NFIB: variants seen among roughly 807,000 people sequenced by gnomAD.
The protein encoded by NFIB is nuclear factor I B, also known as nuclear factor 1 B-type.
Under a neutral mutation model 61.5 loss-of-function variants are expected in NFIB, and 11 were observed. The ratio of observed to expected loss-of-function variants is 0.18; its 90% CI spans 0.11 to 0.30. The LOEUF (loss-of-function observed/expected upper bound fraction) is 0.30. Among genes scored for constraint, NFIB ranks in the 10% least tolerant of loss-of-function variants. The pLI is 1.00. For synonymous variants in NFIB, 260 were observed against 216.5 expected (o/e 1.20, Z -1.76); for missense variants, 471 against 608.9 (o/e 0.77, Z 2.38).
the NFIB span, among the ~76,000 whole-genome samples, chr9:14,527,113 T>C: frequency 6.6e-6 from 1 of 152,148 alleles, no homozygotes; most frequent in Non-Finnish European, 1.5e-5. Context: ...CATCTTCATA[T>C]AGTTCACTTG....
At chr9:14,102,342 T>A in intron 10 of NFIB, 1 of 1,206,990 alleles carries the variant, frequency 8.3e-7, no homozygotes, top group Non-Finnish European at 1.2e-6. Flanking sequence ...ATATTTTCTG[T>A]AAAGCTAGTT....
At position 14,087,571 on chromosome 9, in the gene NFIB, C is replaced by A. The variant is rs926269794; in HGVS notation, c.*738G>T. On this transcript the variant is annotated 3_prime_UTR_variant, in exon 11 of 11. Coordinates refer to ENST00000380953, the MANE Select transcript of NFIB (RefSeq NM_001190737.2). ...GTTCAAACTGTTTTTTTCCTTTTTT[C>A]TTTTTTTCCTTTTTTTTTCATTTTT... 1 of 225,424 alleles carries A rather than the reference C, an allele frequency of 4.4e-6. No individual in the cohort carries two copies. The highest frequency in any genetic ancestry group is 5.7e-5 in the Admixed American group (1 of 17,404). The allele number at this position is 225,424 out of a possible 1,614,324, so 14.0% of individuals were successfully genotyped here. A position where few individuals can be genotyped will look rare whatever the true frequency, so the allele number is the denominator to read the frequency against.
At chr9:14,457,657 A>C in the NFIB span, among the ~76,000 whole-genome samples, 1 of 152,130 alleles carries the variant, frequency 6.6e-6, no homozygotes, top group South Asian at 2.1e-4. Flanking sequence ...AGAATCAAAT[A>C]GACACAATAA....
At chr9:14,523,409 C>T in the NFIB span, among the ~76,000 whole-genome samples, 1 of 152,190 alleles carries the variant, frequency 6.6e-6, no homozygotes, top group African/African-American at 2.4e-5. Context: ...ACCCACACCT[C>T]TCCACAGTCT....
At chr9:14,429,794 A>G in the NFIB span, among the ~76,000 whole-genome samples, 1 of 152,328 alleles carries the variant, frequency 6.6e-6, no homozygotes, top group East Asian at 1.9e-4. Context: ...TCTGGCCAGC[A>G]GTACTCCCTG....
intron 2 of NFIB, among the ~76,000 whole-genome samples, chr9:14,272,149 C>T (rs113245436): frequency 0.013 from 2,039 of 152,212 alleles, 42 homozygotes; most frequent in African/African-American, 0.045. Context: ...GCGCAAGTTT[C>T]CATTATACGT....
chr9:14,291,130 T>G (rs1452950282), intron 2 of NFIB, among the ~76,000 whole-genome samples: 1 of 152,124 alleles, frequency 6.6e-6, no homozygotes, highest in African/African-American at 2.4e-5. Flanking sequence ...TCTCTTGATA[T>G]ACATAAGCAC....
rs1217635352 is a variant in NFIB, at chr9:14,116,366, T to C, written c.1246-20A>G. 6 of 1,482,550 alleles carry C rather than the reference T, an allele frequency of 4.0e-6. No individual in the cohort carries two copies. The highest frequency in any genetic ancestry group is 3.6e-6 in the Non-Finnish European group (4 of 1,111,252). The allele number at this position is 1,482,550 out of a possible 1,614,324, so 91.8% of individuals were successfully genotyped here. On this transcript the variant is annotated intron_variant, in intron 8 of 10. Transcript: ENST00000380953. ...GTTAGGCTACAAAACAAAAACAGAA[T>C]GCCGGGTGAAGCAATCCAAAAGGCA...
chr9:14,378,998 T>C (rs75187971), intron 1 of NFIB, among the ~76,000 whole-genome samples: 5,580 of 152,242 alleles, frequency 0.037, 329 homozygotes, highest in African/African-American at 0.12. Context: ...TTTGAGATGA[T>C]AGAGAGGCAC....
At chr9:14,482,379 C>T in the NFIB span, among the ~76,000 whole-genome samples, 2 of 152,130 alleles carry the variant, frequency 1.3e-5, no homozygotes, top group Admixed American at 6.5e-5. Flanking sequence ...TATGTCCCCT[C>T]CTCCTCAGCC....
intron 9 of NFIB, 98 bp from the exon 10 acceptor site, chr9:14,113,179 C>G (rs1164074344): frequency 1.0e-6 from 1 of 982,432 alleles, no homozygotes; most frequent in South Asian, 2.1e-5. Flanking sequence ...GGATTTGCAA[C>G]CAAAAAAAAA....
the NFIB span, among the ~76,000 whole-genome samples, chr9:14,471,217 C>G: frequency 5.1e-3 from 776 of 152,340 alleles, 11 homozygotes; most frequent in African/African-American, 0.018. Flanking sequence ...GGATTGATGA[C>G]TAAAGCTCCA....
chr9:14,350,913 G>T (rs900550333), intron 1 of NFIB, among the ~76,000 whole-genome samples: 1 of 152,092 alleles, frequency 6.6e-6, no homozygotes, highest in Non-Finnish European at 1.5e-5. Context: ...CTTTAAATAG[G>T]AAGGAGACCG....
At chr9:14,524,862 G>T in the NFIB span, among the ~76,000 whole-genome samples, 1 of 152,152 alleles carries the variant, frequency 6.6e-6, no homozygotes, top group African/African-American at 2.4e-5. Context: ...AATATCACCA[G>T]ATAATAATAT....
the NFIB span, among the ~76,000 whole-genome samples, chr9:14,427,937 GTTTTTTT>G: frequency 0.013 from 552 of 43,308 alleles, 1 homozygote; most frequent in African/African-American, 0.036. Context: ...TAATTCAGTT[GTTTTTTT>G]TTTTTTTTTT....
intron 2 of NFIB, among the ~76,000 whole-genome samples, chr9:14,256,500 G>A (rs2056230740): frequency 6.6e-6 from 1 of 152,112 alleles, no homozygotes; most frequent in Admixed American, 6.5e-5. Context: ...AAATCAGAAA[G>A]CAGAGAAAGA....
the NFIB span, among the ~76,000 whole-genome samples, chr9:14,442,095 G>C: frequency 6.6e-6 from 1 of 152,174 alleles, no homozygotes; most frequent in Non-Finnish European, 1.5e-5. Flanking sequence ...GAAGGAGCTT[G>C]CTCAGGATCA....
intron 1 of NFIB, among the ~76,000 whole-genome samples, chr9:14,348,993 A>T (rs13289560): frequency 0.23 from 34,530 of 151,860 alleles, 4,951 homozygotes; most frequent in Middle Eastern, 0.46. Flanking sequence ...ACCGAAATTC[A>T]CTTTACTACT....
chr9:14,178,106 T>G (rs991415652), intron 3 of NFIB, among the ~76,000 whole-genome samples: 2 of 152,166 alleles, frequency 1.3e-5, no homozygotes, highest in African/African-American at 2.4e-5. Context: ...TCAACTCTTT[T>G]TCTACCAAAG....
Sources: allele counts gnomAD v4.1 joint callset (sites outside exome capture counted in the v4.1 genomes callset), GRCh38; gene constraint gnomAD v4.1.1; transcripts MANE v1.5; gene names NCBI Gene and HGNC (gene_info 2026-07-23, HGNC 2026-07-21).